The following PKD2 variants were observed in gnomAD, a reference collection of about 807,000 sequenced individuals.
The protein encoded by PKD2 is polycystin-2.
PKD2 carries 48 observed loss-of-function variants against 105.9 expected under a neutral mutation model. The ratio of observed to expected loss-of-function variants is 0.45; its 90% CI spans 0.36 to 0.58. The LOEUF is 0.58. Ranked by LOEUF, PKD2 falls within the 20% of genes least tolerant of loss-of-function variation. PKD2 has a pLI of 0.00. For synonymous variants in PKD2, 464 were observed against 481.1 expected (o/e 0.96, Z 0.46); for missense variants, 1,078 against 1,255.3 (o/e 0.86, Z 2.13).
At chr4:88,017,305 C>T (rs1157330631) in intron 1 of PKD2, among the ~76,000 whole-genome samples, 2 of 152,184 alleles carry the variant, frequency 1.3e-5, no homozygotes, top group Non-Finnish European at 2.9e-5. Flanking sequence ...TACATACATA[C>T]ATACGTACAT....
chr4:88,036,102 C>A, intron 2 of PKD2, 118 bp from the exon 3 acceptor site: 2 of 1,501,756 alleles, frequency 1.3e-6, no homozygotes, highest in Non-Finnish European at 1.9e-6. Context: ...GAGAGAAGAC[C>A]TTGTGTGAAT....
At chr4:88,041,161 G>A (rs915448126) in intron 4 of PKD2, among the ~76,000 whole-genome samples, 19 of 152,102 alleles carry the variant, frequency 1.2e-4, no homozygotes, top group South Asian at 2.1e-4. Context: ...TGGCACTGCC[G>A]TCTTCCTATT....
chr4:88,011,827 T>G (rs908299883), intron 1 of PKD2, among the ~76,000 whole-genome samples: 1 of 147,572 alleles, frequency 6.8e-6, no homozygotes, highest in East Asian at 2.0e-4. Context: ...TAGCCTGTCT[T>G]GAGGCTTCAG....
At chr4:88,046,447 T>C (rs914645664) in intron 5 of PKD2, among the ~76,000 whole-genome samples, 195 bp from the exon 6 acceptor site, 1 of 152,196 alleles carries the variant, frequency 6.6e-6, no homozygotes, top group African/African-American at 2.4e-5. Flanking sequence ...GGAAGTCTTA[T>C]TCCTTTGATG....
Position 88,036,234 on chromosome 4 carries a change from A to T in PKD2, c.724A>T (p.Met242Leu). 6.2e-7 allele frequency: 1 copy of T among 1,613,714 alleles called. No homozygotes were observed. Among genetic ancestry groups the T allele is most frequent in the Non-Finnish European group, 8.5e-7 (1 of 1,179,700 alleles). ...IVLCILTYGM[M>L]SSNVYYYTRM... ...CTGTGTTCCAGTGACCTACGGCATG[A>T]TGAGCTCCAATGTGTACTACTACAC... The change falls in exon 3 of 15, where the codon ATG becomes TTG. Residue 242 changes from methionine to leucine, a missense_variant. Coordinates refer to ENST00000237596, the MANE Select transcript of PKD2 (RefSeq NM_000297.4).
intron 2 of PKD2, chr4:88,035,986 C>G: frequency 1.7e-6 from 1 of 577,150 alleles, no homozygotes; most frequent in Non-Finnish European, 3.1e-6. Flanking sequence ...AATAGTAAGC[C>G]AATTTTGTTT....
intron 10 of PKD2, among the ~76,000 whole-genome samples, chr4:88,063,755 C>T (rs958027232): frequency 6.6e-6 from 1 of 151,522 alleles, no homozygotes; most frequent in East Asian, 1.9e-4. Flanking sequence ...AGGAAAATAG[C>T]TGTGATAAAA....
chr4:88,059,291 AC>A (rs1047563663), intron 9 of PKD2, among the ~76,000 whole-genome samples: 9 of 152,146 alleles, frequency 5.9e-5, no homozygotes, highest in Non-Finnish European at 1.3e-4. Flanking sequence ...TTTTAAACTT[AC>A]ACCTCTTAAG....
intron 10 of PKD2, among the ~76,000 whole-genome samples, chr4:88,062,869 T>G (rs1257946666): frequency 6.6e-6 from 1 of 152,240 alleles, no homozygotes; most frequent in Non-Finnish European, 1.5e-5. Flanking sequence ...AACAGTTGCT[T>G]ACATTTTAGC....
chr4:88,025,328 C>T (rs941004656), intron 2 of PKD2, among the ~76,000 whole-genome samples: 1 of 151,898 alleles, frequency 6.6e-6, no homozygotes, highest in African/African-American at 2.4e-5. Context: ...CATGGTGACG[C>T]ACACCTGTAG....
intron 1 of PKD2, among the ~76,000 whole-genome samples, chr4:88,016,851 C>T (rs771883794): frequency 6.6e-6 from 1 of 151,760 alleles, no homozygotes; most frequent in East Asian, 1.9e-4. Flanking sequence ...GTTTAAGAAA[C>T]TTGGGAGGCT....
intron 2 of PKD2, among the ~76,000 whole-genome samples, chr4:88,020,231 T>C (rs1726701319): frequency 6.6e-6 from 1 of 152,250 alleles, no homozygotes; most frequent in South Asian, 2.1e-4. Flanking sequence ...GAAAAATGAC[T>C]TTCCAAATTT....
intron 2 of PKD2, among the ~76,000 whole-genome samples, chr4:88,032,092 C>G (rs913236368): frequency 2.0e-5 from 3 of 152,040 alleles, no homozygotes; most frequent in Admixed American, 6.6e-5. Context: ...ATTCACAGTT[C>G]ATGCTTTTTT....
At chr4:88,062,787 T>C (rs966612251) in intron 10 of PKD2, among the ~76,000 whole-genome samples, 3 of 152,204 alleles carry the variant, frequency 2.0e-5, no homozygotes, top group Admixed American at 6.5e-5. Flanking sequence ...TATGTTATAA[T>C]AGAAAACTTA....
At chr4:88,015,329 T>G (rs1726522570) in intron 1 of PKD2, among the ~76,000 whole-genome samples, 1 of 152,224 alleles carries the variant, frequency 6.6e-6, no homozygotes, top group Non-Finnish European at 1.5e-5. Flanking sequence ...GGCATTGAGT[T>G]GATATTGTTG....
Position 88,009,405 on chromosome 4 carries a change from G to A in PKD2, c.595+1077G>A, listed in dbSNP as rs190768999. Among the ~76,000 whole-genome samples the A allele has an allele frequency of 3.9e-5, 6 of 152,204 alleles. No homozygotes were observed. The East Asian group carries it at 1.2e-3, about 29-fold the overall frequency. On this transcript the variant is annotated intron_variant, in intron 1 of 14. Coordinates refer to ENST00000237596, the MANE Select transcript of PKD2 (RefSeq NM_000297.4). ...AGCAGTGTGATTAAAACCAGGTCAG[G>A]CCTACACTGAAATCCCAGTTCCACC...
intron 4 of PKD2, among the ~76,000 whole-genome samples, chr4:88,040,072 T>C (rs1456406362): frequency 6.6e-6 from 1 of 152,190 alleles, no homozygotes; most frequent in Non-Finnish European, 1.5e-5. Context: ...TTTCACGCAT[T>C]ATCTCATCTG....
intron 13 of PKD2, among the ~76,000 whole-genome samples, chr4:88,071,502 TTTC>T (rs1272690373): frequency 1.3e-5 from 2 of 152,158 alleles, no homozygotes; most frequent in Non-Finnish European, 2.9e-5. Context: ...TCTTTTTTTT[TTTC>T]TTCTTGTGTA....
intron 7 of PKD2, among the ~76,000 whole-genome samples, chr4:88,055,606 C>G (rs988352028): frequency 6.6e-6 from 1 of 150,588 alleles, no homozygotes; most frequent in Non-Finnish European, 1.5e-5. Flanking sequence ...TCCAAAGTGC[C>G]GGGATTATAG....
Sources: allele counts gnomAD v4.1 joint callset (sites outside exome capture counted in the v4.1 genomes callset), GRCh38; gene constraint gnomAD v4.1.1; transcripts MANE v1.5; gene names NCBI Gene and HGNC (gene_info 2026-07-23, HGNC 2026-07-21).